Variants in TMC1 observed in about 807,000 individuals in gnomAD.
TMC1 encodes transmembrane channel-like protein 1.
In TMC1, 84 loss-of-function variants were observed where a neutral mutation model predicts 105.8. The ratio of observed to expected loss-of-function variants is 0.79; its 90% CI spans 0.67 to 0.95. TMC1 has a LOEUF of 0.95. Ranked by LOEUF, TMC1 falls within the 40% of genes least tolerant of loss-of-function variation. The pLI, the probability that TMC1 is intolerant of heterozygous loss-of-function variation, is 0.00. For missense variants in TMC1, 817 were observed against 914.1 expected (o/e 0.89, Z 1.37); for synonymous variants, 315 against 311.5 (o/e 1.01, Z -0.12).
intron 7 of TMC1, among the ~76,000 whole-genome samples, chr9:72,698,143 A>G (rs1407212366): frequency 2.6e-5 from 4 of 152,212 alleles, no homozygotes; most frequent in African/African-American, 9.6e-5. Context: ...TAAACACCAA[A>G]TAATGAAAAT....
At chr9:72,603,848 GTTTTTTTTTTTT>G (rs534608884) in intron 2 of TMC1, among the ~76,000 whole-genome samples, 27 of 74,000 alleles carry the variant, frequency 3.6e-4, no homozygotes, top group Admixed American at 8.0e-4. Flanking sequence ...GCGACCGGCT[GTTTTTTTTTTTT>G]TTTTTTTTTT....
intron 1 of TMC1, among the ~76,000 whole-genome samples, chr9:72,567,320 T>G (rs1342644546): frequency 6.6e-6 from 1 of 152,254 alleles, no homozygotes; most frequent in Non-Finnish European, 1.5e-5. Flanking sequence ...TGTTCATCAC[T>G]GTAACTCCTT....
chr9:72,567,028 G>C (rs975163882), intron 1 of TMC1, among the ~76,000 whole-genome samples: 2 of 152,150 alleles, frequency 1.3e-5, no homozygotes, highest in African/African-American at 2.4e-5. Context: ...TAGTGTGGGG[G>C]CAGATGTTCC....
In TMC1 at chr9:72,756,064, G is replaced by A. The variant is rs183399829; in HGVS notation, c.741+1180G>A. ...ACCTTAAGAAAAGTTTCCCATCTCC[G>A]AATGAACAAAGCAAGCTATTGAGTT... On this transcript the variant is annotated intron_variant, in intron 12 of 23. Transcript: ENST00000297784. 4.8e-4 allele frequency among the ~76,000 whole-genome samples: 73 copies of A among 152,246 alleles called. 1 individual carries two copies. The highest frequency in any genetic ancestry group is 4.8e-3 in the Admixed American group (73 of 15,282).
rs760128641 is a variant in TMC1 at position 72,751,967 on chromosome 9, A to T, written c.642+11A>T. On this transcript the variant is annotated intron_variant, in intron 11 of 23. Transcript: ENST00000297784. ...ATCATGTTGCCAGAGGTGAGATCTG[A>T]CTTCCAGTTTACAAAACATGCTGAA... The T allele has an allele frequency of 6.5e-7, 1 of 1,529,054 alleles. No individual in the cohort carries two copies. The highest frequency in any genetic ancestry group is 2.3e-5 in the East Asian group (1 of 44,430). 94.7% of individuals were successfully genotyped at this position (1,529,054 alleles called of 1,614,324 possible). A position where few individuals can be genotyped will look rare whatever the true frequency, so the allele number is the denominator to read the frequency against.
intron 1 of TMC1, among the ~76,000 whole-genome samples, chr9:72,568,665 T>C (rs953882001): frequency 2.6e-5 from 3 of 117,094 alleles, no homozygotes; most frequent in East Asian, 4.1e-4. Flanking sequence ...AATTTGTTTA[T>C]TTTTTTCATT....
intron 5 of TMC1, among the ~76,000 whole-genome samples, chr9:72,674,144 A>T (rs143056242): frequency 5.1e-4 from 78 of 152,336 alleles, no homozygotes; most frequent in African/African-American, 1.9e-3. Context: ...AAGAGGGCAG[A>T]AATAAATGGA....
chr9:72,732,468 G>A (rs1827227813), intron 8 of TMC1, among the ~76,000 whole-genome samples: 1 of 150,648 alleles, frequency 6.6e-6, no homozygotes, highest in Non-Finnish European at 1.5e-5. Flanking sequence ...GGGAGGCTGA[G>A]ACATGAGAAT....
Position 72,751,891 on chromosome 9 carries a change from A to G in TMC1, c.577A>G (p.Arg193Gly). The change falls in exon 11 of 24, where the codon AGA becomes GGA. Residue 193 changes from arginine to glycine, a missense_variant. Transcript: ENST00000297784. ...AGTGGCCTCATACTTCCTCTTCTTGAGATGGATGTATGGAGTCAATATGGT... is the reference window on the plus strand; with the variant it reads ...AGTGGCCTCATACTTCCTCTTCTTGGGATGGATGTATGGAGTCAATATGGT... ...SSVASYFLFL[R>G]WMYGVNMVLF... 1 of 1,613,628 alleles carries G rather than the reference A, an allele frequency of 6.2e-7. No homozygotes were observed. Among genetic ancestry groups the G allele is most frequent in the Non-Finnish European group, 8.5e-7 (1 of 1,179,694 alleles).
At chr9:72,656,626 G>A (rs777915413) in intron 5 of TMC1, among the ~76,000 whole-genome samples, 1 of 152,034 alleles carries the variant, frequency 6.6e-6, no homozygotes, top group Non-Finnish European at 1.5e-5. Flanking sequence ...TATTCTGGTT[G>A]GGAGGCAATA....
intron 1 of TMC1, among the ~76,000 whole-genome samples, chr9:72,574,071 C>G (rs906069226): frequency 9.8e-5 from 15 of 152,318 alleles, no homozygotes; most frequent in African/African-American, 3.1e-4. Context: ...CGTTAGTTTG[C>G]TGATGATAAT....
intron 1 of TMC1, among the ~76,000 whole-genome samples, chr9:72,555,155 A>G (rs998164816): frequency 2.7e-5 from 4 of 150,668 alleles, no homozygotes. Flanking sequence ...CTGGAGTTAC[A>G]GCCAAAGCAC....
rs535883616 is a variant in TMC1, at chr9:72,804,045, C to T, written c.1567-1337C>T. 7.9e-5 allele frequency among the ~76,000 whole-genome samples: 12 copies of T among 152,232 alleles called. No homozygotes were observed. In the South Asian group the frequency reaches 1.9e-3, roughly 24 times the overall value. On this transcript the variant is annotated intron_variant, in intron 17 of 23. Transcript: ENST00000297784. ...GCTATATGTACACCATAGAATACTACGCAGCAATAAAAAGGAATGAGATCA... is the reference window on the plus strand; with the variant it reads ...GCTATATGTACACCATAGAATACTATGCAGCAATAAAAAGGAATGAGATCA...
chr9:72,791,779 TA>T, intron 15 of TMC1, 106 bp from the exon 16 acceptor site: 3 of 940,306 alleles, frequency 3.2e-6, no homozygotes, highest in Non-Finnish European at 5.1e-6. Context: ...TTTTTAGTCT[TA>T]AAAAAGATCA....
chr9:72,747,894 G>A (rs978964848), intron 10 of TMC1, among the ~76,000 whole-genome samples: 4 of 151,822 alleles, frequency 2.6e-5, no homozygotes, highest in Admixed American at 2.6e-4. Context: ...GTGCCTGGCT[G>A]AGACTCTGTT....
At chr9:72,595,790 C>T (rs1392734336) in intron 2 of TMC1, among the ~76,000 whole-genome samples, 1 of 150,248 alleles carries the variant, frequency 6.7e-6, no homozygotes, top group Non-Finnish European at 1.5e-5. Flanking sequence ...GATTCTCCTG[C>T]TTGAGCTTCC....
chr9:72,789,417 C>A, intron 15 of TMC1, 100 bp downstream of exon 15: 1 of 1,099,922 alleles, frequency 9.1e-7, no homozygotes, highest in Non-Finnish European at 1.4e-6. Context: ...CACCCTTTAC[C>A]TATCCCCTAT....
At chr9:72,607,002 T>TATATATAG (rs372785242) in intron 2 of TMC1, among the ~76,000 whole-genome samples, 160 of 134,966 alleles carry the variant, frequency 1.2e-3, no homozygotes, top group African/African-American at 4.0e-3. Context: ...TATATATATA[T>TATATATAG]AGAGAGAGAG....
At position 72,648,716 on chromosome 9, in the gene TMC1, A is replaced by G. The variant is rs765246954; in HGVS notation, c.16+52A>G. 9 of 1,514,942 alleles carry G rather than the reference A, an allele frequency of 5.9e-6. No homozygotes were observed. The Admixed American group carries it at 1.5e-4, about 25-fold the overall frequency. The allele number at this position is 1,514,942 out of a possible 1,614,324, so 93.8% of individuals were successfully genotyped here. On this transcript the variant is annotated intron_variant, in intron 5 of 23. Transcript: ENST00000297784. Reference sequence around the variant, plus strand: ...AGGACACTATGTCTTTCTGAGAGGTATAAAGGTATTTGAAAACTTTGGAAA... The same window carrying G: ...AGGACACTATGTCTTTCTGAGAGGTGTAAAGGTATTTGAAAACTTTGGAAA...
Sources: gnomAD v4.1 joint callset for allele counts (sites outside exome capture counted in the v4.1 genomes callset) on GRCh38, gnomAD v4.1.1 for gene constraint, MANE v1.5 for transcripts, NCBI Gene and HGNC (gene_info 2026-07-23, HGNC 2026-07-21) for gene names.